The following ACTR3C variants were observed in gnomAD, a reference collection of about 807,000 sequenced individuals.
ACTR3C encodes actin related protein 3C, also known as actin-related protein 3C.
ACTR3C carries 18 observed loss-of-function variants against 26.3 expected under a neutral mutation model. That is an observed-to-expected ratio of 0.68 (90% CI 0.47 to 1.01). ACTR3C has a LOEUF of 1.01. Ranked by LOEUF, ACTR3C falls within the 50% of genes least tolerant of loss-of-function variation. The probability of loss-of-function intolerance (pLI) is 0.00; values close to 1 mark genes in which losing one functional copy is unlikely to be tolerated. For synonymous variants in ACTR3C, 55 were observed against 94.5 expected (o/e 0.58, Z 2.42); for missense variants, 184 against 250.7 (o/e 0.73, Z 1.80).
the ACTR3C span, among the ~76,000 whole-genome samples, chr7:150,110,399 CA>C: frequency 7.3e-6 from 1 of 136,376 alleles, no homozygotes; most frequent in African/African-American, 2.9e-5. Flanking sequence ...ATGTGGGTGG[CA>C]GGGGCGGGAC....
chr7:150,124,291 A>T, the ACTR3C span, among the ~76,000 whole-genome samples: 1 of 152,210 alleles, frequency 6.6e-6, no homozygotes, highest in Non-Finnish European at 1.5e-5. Context: ...TTTTTCCATT[A>T]TCAGTGTTTA....
At chr7:150,266,540 C>T (rs192596592) in intron 6 of ACTR3C, among the ~76,000 whole-genome samples, 1,521 of 151,976 alleles carry the variant, frequency 0.01, 9 homozygotes, top group Non-Finnish European at 0.014. Context: ...TTAGCTAGCA[C>T]ATAAAAAAGC....
chr7:150,206,185 G>T, the ACTR3C span, among the ~76,000 whole-genome samples: 8 of 152,190 alleles, frequency 5.3e-5, no homozygotes, highest in African/African-American at 1.7e-4. Flanking sequence ...GGCTGCTCAT[G>T]ACCATGCACG....
chr7:150,317,121 G>A (rs537262104), intron 1 of ACTR3C, among the ~76,000 whole-genome samples: 83 of 151,128 alleles, frequency 5.5e-4, no homozygotes, highest in African/African-American at 1.6e-3. Context: ...GCGTGATCTC[G>A]GCTCACTGCA....
At chr7:149,931,245 G>A in the ACTR3C span, among the ~76,000 whole-genome samples, 2 of 152,128 alleles carry the variant, frequency 1.3e-5, no homozygotes, top group Admixed American at 6.5e-5. Flanking sequence ...GGGTGCCCTG[G>A]GTCTGTACAA....
At chr7:150,004,508 G>A in the ACTR3C span, 2 of 152,252 alleles carry the variant, frequency 1.3e-5, no homozygotes, top group African/African-American at 4.8e-5. Context: ...ATCAATGCAT[G>A]CCCAAACTAG....
At chr7:150,259,185 A>G (rs1833446834) in intron 6 of ACTR3C, among the ~76,000 whole-genome samples, 1 of 152,028 alleles carries the variant, frequency 6.6e-6, no homozygotes, top group East Asian at 1.9e-4. Context: ...CACAAACACA[A>G]TGAGAATCTC....
the ACTR3C span, among the ~76,000 whole-genome samples, chr7:150,152,837 G>A: frequency 6.6e-6 from 1 of 152,150 alleles, no homozygotes; most frequent in African/African-American, 2.4e-5. Flanking sequence ...GGTCTATTCA[G>A]AGAGTCAACT....
At position 150,289,442 on chromosome 7, in the gene ACTR3C, G is replaced by A; in HGVS notation, c.297+8C>T. On this transcript the variant is annotated splice_region_variant and intron_variant, in intron 4 of 7. Transcript: ENST00000683684. ...CCCCAAACCAGCCGGTTTCCCATCT[G>A]TTTTTACCTTAATGGCTTTTGCGGT... The A allele has an allele frequency of 3.2e-6, 5 of 1,573,608 alleles. No individual in the cohort carries two copies. The highest frequency in any genetic ancestry group is 4.3e-6 in the Non-Finnish European group (5 of 1,163,110).
At chr7:150,192,408 C>T in the ACTR3C span, among the ~76,000 whole-genome samples, 1 of 152,130 alleles carries the variant, frequency 6.6e-6, no homozygotes, top group Non-Finnish European at 1.5e-5. Flanking sequence ...AAGAGATCCT[C>T]CTGGGCTCAA....
At chr7:150,185,667 A>C in the ACTR3C span, among the ~76,000 whole-genome samples, 1 of 151,654 alleles carries the variant, frequency 6.6e-6, no homozygotes, top group Non-Finnish European at 1.5e-5. Flanking sequence ...GGACAGCAGA[A>C]TAAGGGGGAG....
chr7:149,896,273 A>T, the ACTR3C span, among the ~76,000 whole-genome samples: 27,554 of 144,910 alleles, frequency 0.19, 959 homozygotes, highest in African/African-American at 0.21. Flanking sequence ...CACAGCTACT[A>T]CATGAATGAG....
intron 2 of ACTR3C, 28 bp downstream of exon 2, chr7:150,295,224 T>C: frequency 6.2e-7 from 1 of 1,612,830 alleles, no homozygotes; most frequent in Middle Eastern, 1.7e-4. Context: ...TCAGGTGCTT[T>C]AGGAATCACA....
the ACTR3C span, among the ~76,000 whole-genome samples, chr7:150,146,675 C>T: frequency 8.8e-3 from 1,334 of 152,172 alleles, 6 homozygotes; most frequent in Non-Finnish European, 0.014. Flanking sequence ...TCAAAACATC[C>T]GGGGATGCCT....
the ACTR3C span, among the ~76,000 whole-genome samples, chr7:149,987,732 C>T: frequency 1.4e-5 from 2 of 147,700 alleles, no homozygotes; most frequent in African/African-American, 5.0e-5. Context: ...AACATCATGC[C>T]TCGAAATCAT....
At chr7:150,278,162 A>G (rs894305040) in intron 6 of ACTR3C, among the ~76,000 whole-genome samples, 28 of 152,108 alleles carry the variant, frequency 1.8e-4, no homozygotes, top group Non-Finnish European at 3.8e-4. Flanking sequence ...CCTTCACCCT[A>G]GTGCTGCAAC....
the ACTR3C span, among the ~76,000 whole-genome samples, chr7:149,968,011 T>G: frequency 1.3e-5 from 2 of 152,224 alleles, no homozygotes; most frequent in Non-Finnish European, 2.9e-5. Context: ...GACGGCATAT[T>G]CTGCAGCTCT....
chr7:149,939,673 T>C, the ACTR3C span, among the ~76,000 whole-genome samples: 204 of 150,804 alleles, frequency 1.4e-3, no homozygotes, highest in African/African-American at 4.7e-3. Context: ...AGCAGATACC[T>C]CACTGGGTTA....
chr7:149,963,514 A>T, the ACTR3C span, among the ~76,000 whole-genome samples: 6 of 152,186 alleles, frequency 3.9e-5, no homozygotes, highest in Non-Finnish European at 7.3e-5. Context: ...AGCCCTGAGG[A>T]TGGGCAGCCT....
Sources: gnomAD v4.1 joint callset for allele counts (sites outside exome capture counted in the v4.1 genomes callset) on GRCh38, gnomAD v4.1.1 for gene constraint, MANE v1.5 for transcripts, NCBI Gene and HGNC (gene_info 2026-07-23, HGNC 2026-07-21) for gene names.